The following MAPK10 variants were observed in gnomAD, a reference collection of about 807,000 sequenced individuals.
MAPK10 encodes mitogen-activated protein kinase 10.
MAPK10 carries 25 observed loss-of-function variants against 59.3 expected under a neutral mutation model. That is an observed-to-expected ratio of 0.42 (90% CI 0.31 to 0.59). The LOEUF (loss-of-function observed/expected upper bound fraction) is 0.59, where lower values mean the gene tolerates loss of function less well. Ranked by LOEUF, MAPK10 falls within the 20% of genes least tolerant of loss-of-function variation. MAPK10 has a pLI of 0.15. For synonymous variants in MAPK10, 190 were observed against 200.5 expected (o/e 0.95, Z 0.44); for missense variants, 351 against 568.9 (o/e 0.62, Z 3.90).
At chr4:86,479,575 G>A (rs966855732) in intron 1 of MAPK10, among the ~76,000 whole-genome samples, 2 of 151,442 alleles carry the variant, frequency 1.3e-5, no homozygotes, top group African/African-American at 4.9e-5. Flanking sequence ...TATTTACACT[G>A]CCGATTTACA....
intron 2 of MAPK10, among the ~76,000 whole-genome samples, chr4:86,240,294 C>T (rs1296526824): frequency 1.3e-5 from 2 of 152,092 alleles, no homozygotes; most frequent in Non-Finnish European, 1.5e-5. Context: ...AGAATAAGTG[C>T]CATGTGGCAG....
Position 86,159,487 on chromosome 4 carries a change from C to A in MAPK10, c.67-20G>T. On this transcript the variant is annotated intron_variant, in intron 3 of 13. Transcript: ENST00000641462. ...GAATCCCTGTCAAAAAGAAGAACAG[C>A]AAAAACATGAGGCAAGTGAACAGGC... The A allele has an allele frequency of 1.2e-6, 2 of 1,600,272 alleles. No homozygotes were observed. The highest frequency in any genetic ancestry group is 2.7e-5 in the African/African-American group (2 of 74,224).
chr4:86,241,147 A>C (rs570841668), intron 2 of MAPK10, among the ~76,000 whole-genome samples: 1 of 152,244 alleles, frequency 6.6e-6, no homozygotes, highest in East Asian at 1.9e-4. Context: ...TTTCTTTAAG[A>C]ATGTTGAATA....
intron 4 of MAPK10, among the ~76,000 whole-genome samples, chr4:86,150,627 C>T (rs1438823174): frequency 2.0e-5 from 3 of 152,078 alleles, no homozygotes; most frequent in Admixed American, 6.6e-5. Context: ...TTTGGGAGGC[C>T]GAGACGGGCA....
At chr4:86,493,614 C>A (rs1214967648) in intron 1 of MAPK10, among the ~76,000 whole-genome samples, 2 of 152,116 alleles carry the variant, frequency 1.3e-5, no homozygotes, top group African/African-American at 4.8e-5. Flanking sequence ...GCACATTTAG[C>A]TCACCCTCCC....
intron 3 of MAPK10, among the ~76,000 whole-genome samples, chr4:86,172,651 C>G (rs1468051956): frequency 6.6e-6 from 1 of 150,710 alleles, no homozygotes; most frequent in African/African-American, 2.5e-5. Context: ...GTGCAGCACA[C>G]CAGCATGGCA....
chr4:86,239,397 G>A (rs2092543040), intron 2 of MAPK10, among the ~76,000 whole-genome samples: 1 of 152,108 alleles, frequency 6.6e-6, no homozygotes, highest in South Asian at 2.1e-4. Flanking sequence ...CTTTTCAATT[G>A]TTTGGAATAG....
chr4:86,118,139 T>C (rs995368384), intron 4 of MAPK10, among the ~76,000 whole-genome samples: 1 of 152,216 alleles, frequency 6.6e-6, no homozygotes. Flanking sequence ...CACTACAATC[T>C]TTCCCATTTT....
intron 1 of MAPK10, among the ~76,000 whole-genome samples, chr4:86,548,975 A>G (rs1306484874): frequency 6.6e-6 from 1 of 152,196 alleles, no homozygotes; most frequent in African/African-American, 2.4e-5. Context: ...AGTGATTCCC[A>G]TTCTAGAGCA....
chr4:86,321,226 C>T lies in MAPK10; in HGVS notation c.-7+33304G>A, dbSNP rs537579892. Reference sequence around the variant, plus strand: ...GAAATACCATTTGACCCAGCCATCCCATTACTGGGTATATACCCAAAGGAC... The same window carrying T: ...GAAATACCATTTGACCCAGCCATCCTATTACTGGGTATATACCCAAAGGAC... On this transcript the variant is annotated intron_variant, in intron 2 of 13. Transcript: ENST00000641462. 3.9e-5 allele frequency among the ~76,000 whole-genome samples: 6 copies of T among 152,076 alleles called. No individual in the cohort carries two copies. The East Asian group carries it at 9.7e-4, about 25-fold the overall frequency.
intron 2 of MAPK10, chr4:86,300,723 T>C (rs575631648): frequency 1.3e-5 from 2 of 152,256 alleles, no homozygotes; most frequent in Admixed American, 6.5e-5. Flanking sequence ...TTCTGGAACT[T>C]GATTCGCATA....
rs1238132582 is a variant in MAPK10 at position 86,016,205 on chromosome 4, T to A, written c.*1023A>T. 2 of 152,208 alleles carry A rather than the reference T, an allele frequency of 1.3e-5. No individual in the cohort carries two copies. The highest frequency in any genetic ancestry group is 4.8e-5 in the African/African-American group (2 of 41,434). 9.4% of individuals were successfully genotyped at this position (152,208 alleles called of 1,614,324 possible). ...GCCACTTTCTCCAGTGGCCTCTTGTTGTGACCAGTAATTGAGAAATGACAA... is the reference window on the plus strand; with the variant it reads ...GCCACTTTCTCCAGTGGCCTCTTGTAGTGACCAGTAATTGAGAAATGACAA... On this transcript the variant is annotated 3_prime_UTR_variant, in exon 14 of 14. Coordinates refer to ENST00000641462, the MANE Select transcript of MAPK10 (RefSeq NM_138982.4).
chr4:86,127,213 A>C (rs2060217072), intron 4 of MAPK10, among the ~76,000 whole-genome samples: 1 of 151,872 alleles, frequency 6.6e-6, no homozygotes, highest in Non-Finnish European at 1.5e-5. Context: ...TTAAAAAAAA[A>C]AAAAAAAAGC....
At chr4:86,501,175 A>G (rs76742335) in intron 1 of MAPK10, among the ~76,000 whole-genome samples, 7,197 of 151,260 alleles carry the variant, frequency 0.048, 231 homozygotes, top group African/African-American at 0.06. Flanking sequence ...GAAATTAGCA[A>G]TAATGACCTG....
intron 9 of MAPK10, among the ~76,000 whole-genome samples, chr4:86,084,494 A>G (rs1360771998): frequency 6.6e-6 from 1 of 152,224 alleles, no homozygotes. Context: ...GTGTAATCCC[A>G]TTTATAATAT....
At chr4:86,321,486 C>CA (rs890432061) in intron 2 of MAPK10, among the ~76,000 whole-genome samples, 23 of 149,234 alleles carry the variant, frequency 1.5e-4, no homozygotes, top group Non-Finnish European at 1.5e-5. Context: ...ATCGCAAGAA[C>CA]AAAAAAACAA....
intron 2 of MAPK10, among the ~76,000 whole-genome samples, chr4:86,202,291 A>T (rs964428953): frequency 1.3e-5 from 2 of 151,808 alleles, no homozygotes; most frequent in Non-Finnish European, 2.9e-5. Context: ...TCACTCTTTG[A>T]TCTTTCCCTC....
intron 2 of MAPK10, among the ~76,000 whole-genome samples, chr4:86,231,320 T>A (rs2148664029): frequency 6.6e-6 from 1 of 152,294 alleles, no homozygotes; most frequent in South Asian, 2.1e-4. Context: ...TAACTGTGCA[T>A]CCTGCATTTT....
At chr4:86,286,489 A>G (rs1452339988) in intron 2 of MAPK10, among the ~76,000 whole-genome samples, 1 of 152,218 alleles carries the variant, frequency 6.6e-6, no homozygotes, top group Admixed American at 6.5e-5. Context: ...AGCACTTTAT[A>G]TTATTAACTC....
Sources: allele counts gnomAD v4.1 joint callset (sites outside exome capture counted in the v4.1 genomes callset), GRCh38; gene constraint gnomAD v4.1.1; transcripts MANE v1.5; gene names NCBI Gene and HGNC (gene_info 2026-07-23, HGNC 2026-07-21).